The following SLC24A2 variants were observed in gnomAD, a reference collection of about 807,000 sequenced individuals.
SLC24A2 encodes solute carrier family 24 member 2.
A neutral mutation model predicts 62.0 loss-of-function variants in SLC24A2; 36 were observed. That is an observed-to-expected ratio of 0.58 (90% confidence interval 0.44 to 0.77). The LOEUF is 0.77. Among genes scored for constraint, SLC24A2 ranks in the 30% least tolerant of loss-of-function variants. The pLI, the probability that SLC24A2 is intolerant of heterozygous loss-of-function variation, is 0.00. For synonymous variants in SLC24A2, 358 were observed against 294.0 expected (o/e 1.22, Z -2.23); for missense variants, 846 against 817.9 (o/e 1.03, Z -0.42).
At chr9:20,075,697 CA>C in the SLC24A2 span, among the ~76,000 whole-genome samples, 13 of 85,618 alleles carry the variant, frequency 1.5e-4, no homozygotes, top group East Asian at 7.6e-3. Flanking sequence ...CTTGAACAAT[CA>C]GGGGGGGATA....
intron 2 of SLC24A2, among the ~76,000 whole-genome samples, chr9:19,776,158 A>G (rs899429011): frequency 6.6e-6 from 1 of 152,358 alleles, no homozygotes; most frequent in African/African-American, 2.4e-5. Flanking sequence ...AAAACATTTG[A>G]AAGTCACTGA....
chr9:19,966,699 C>T, the SLC24A2 span, among the ~76,000 whole-genome samples: 2 of 152,198 alleles, frequency 1.3e-5, no homozygotes, highest in African/African-American at 2.4e-5. Flanking sequence ...AAAATCAATA[C>T]AGGAAAGTGT....
the SLC24A2 span, among the ~76,000 whole-genome samples, chr9:20,268,149 C>A: frequency 6.6e-6 from 1 of 152,166 alleles, no homozygotes; most frequent in African/African-American, 2.4e-5. Context: ...ATGTGGGAAG[C>A]ATGGCTTAGG....
At chr9:20,269,508 C>T in the SLC24A2 span, among the ~76,000 whole-genome samples, 3 of 152,124 alleles carry the variant, frequency 2.0e-5, no homozygotes, top group Non-Finnish European at 4.4e-5. Context: ...AGAAGGGGCA[C>T]GAGTGAAAGG....
intron 8 of SLC24A2, among the ~76,000 whole-genome samples, chr9:19,547,759 CTG>C (rs761577424): frequency 2.6e-5 from 4 of 151,564 alleles, no homozygotes; most frequent in African/African-American, 9.8e-5. Context: ...ATTTAGAAAA[CTG>C]TATCTGTCTC....
intron 2 of SLC24A2, among the ~76,000 whole-genome samples, chr9:19,773,056 A>G (rs2118899440): frequency 6.6e-6 from 1 of 152,350 alleles, no homozygotes; most frequent in Non-Finnish European, 1.5e-5. Flanking sequence ...GAAAGCAGCC[A>G]GTGCAAAAAG....
chr9:19,897,233 G>A, the SLC24A2 span, among the ~76,000 whole-genome samples: 1 of 152,080 alleles, frequency 6.6e-6, no homozygotes, highest in Non-Finnish European at 1.5e-5. Context: ...TCATTTTCTT[G>A]CTGGAATGTG....
At chr9:19,530,610 T>C (rs1833659391) in intron 8 of SLC24A2, among the ~76,000 whole-genome samples, 1 of 152,076 alleles carries the variant, frequency 6.6e-6, no homozygotes, top group African/African-American at 2.4e-5. Flanking sequence ...AGCCAAAAGG[T>C]ATAAAGCAAG....
the SLC24A2 span, among the ~76,000 whole-genome samples, chr9:20,167,846 G>A: frequency 8.6e-4 from 130 of 151,330 alleles, no homozygotes; most frequent in Middle Eastern, 3.4e-3. Flanking sequence ...CAACTTCCCA[G>A]GTATCTGGGA....
the SLC24A2 span, among the ~76,000 whole-genome samples, chr9:20,101,329 C>T: frequency 6.6e-6 from 1 of 152,204 alleles, no homozygotes; most frequent in East Asian, 1.9e-4. Flanking sequence ...GTGTAACCCT[C>T]AGAGCCTTTG....
chr9:20,244,359 A>G, the SLC24A2 span, among the ~76,000 whole-genome samples: 2 of 152,174 alleles, frequency 1.3e-5, no homozygotes, highest in African/African-American at 4.8e-5. Context: ...GGAAGGAGGG[A>G]ACATTATCAG....
intron 2 of SLC24A2, among the ~76,000 whole-genome samples, chr9:19,736,169 C>T (rs750670801): frequency 3.6e-4 from 54 of 151,894 alleles, no homozygotes; most frequent in South Asian, 6.2e-4. Context: ...ATGTTCTCTA[C>T]AATTTTAATA....
chr9:20,256,531 T>C, the SLC24A2 span, among the ~76,000 whole-genome samples: 8 of 152,192 alleles, frequency 5.3e-5, no homozygotes, highest in Non-Finnish European at 1.2e-4. Flanking sequence ...CTTTCTATGT[T>C]GTGTTTCCTG....
At chr9:20,134,273 A>C in the SLC24A2 span, among the ~76,000 whole-genome samples, 1 of 152,226 alleles carries the variant, frequency 6.6e-6, no homozygotes, top group Non-Finnish European at 1.5e-5. Flanking sequence ...ATAGATATAT[A>C]TCGAAGAAGA....
intron 8 of SLC24A2, 25 bp from the exon 9 acceptor site, chr9:19,528,163 A>G (rs1331274928): frequency 6.9e-7 from 1 of 1,452,296 alleles, no homozygotes; most frequent in Non-Finnish European, 9.5e-7. Flanking sequence ...GGAAGAGTTG[A>G]GAATATCAGT....
At chr9:20,082,601 C>T in the SLC24A2 span, among the ~76,000 whole-genome samples, 1 of 152,230 alleles carries the variant, frequency 6.6e-6, no homozygotes, top group Non-Finnish European at 1.5e-5. Context: ...AGCTGGCTGC[C>T]TGTCAGCAGC....
the SLC24A2 span, among the ~76,000 whole-genome samples, chr9:20,097,363 C>T: frequency 6.6e-6 from 1 of 152,104 alleles, no homozygotes; most frequent in Non-Finnish European, 1.5e-5. Flanking sequence ...AAAGATTCAC[C>T]ACCAGACAGT....
the SLC24A2 span, among the ~76,000 whole-genome samples, chr9:19,905,950 T>A: frequency 1.3e-5 from 2 of 152,070 alleles, no homozygotes; most frequent in African/African-American, 4.8e-5. Context: ...TATCCAGGAA[T>A]TGAACTCAGC....
intron 2 of SLC24A2, among the ~76,000 whole-genome samples, chr9:19,650,822 A>AGTGTGTGTGT (rs61576823): frequency 0.033 from 4,903 of 149,138 alleles, 185 homozygotes; most frequent in African/African-American, 0.092. Flanking sequence ...ATCAGCTTCT[A>AGTGTGTGTGT]GTGTGTGTGT....
Sources: allele counts gnomAD v4.1 joint callset (sites outside exome capture counted in the v4.1 genomes callset), GRCh38; gene constraint gnomAD v4.1.1; transcripts MANE v1.5; gene names NCBI Gene and HGNC (gene_info 2026-07-23, HGNC 2026-07-21).